The following PPP1R21 variants were observed in gnomAD, a reference collection of about 807,000 sequenced individuals.
The protein encoded by PPP1R21 is protein phosphatase 1 regulatory subunit 21, also known as KLRAQ motif containing 1.
PPP1R21 carries 85 observed loss-of-function variants against 112.8 expected under a neutral mutation model. The observed-to-expected ratio is 0.75, with a 90% CI of 0.63 to 0.90. The LOEUF (loss-of-function observed/expected upper bound fraction) is 0.90, where lower values mean the gene tolerates loss of function less well. PPP1R21 is among the 40% of genes least tolerant of loss of function. The pLI is 0.00. For synonymous variants in PPP1R21, 381 were observed against 322.3 expected (o/e 1.18, Z -1.95); for missense variants, 1,199 against 901.5 (o/e 1.33, Z -4.23).
At chr2:48,457,248 G>A (rs923707293) in intron 3 of PPP1R21, among the ~76,000 whole-genome samples, 6 of 152,110 alleles carry the variant, frequency 3.9e-5, no homozygotes, top group Non-Finnish European at 7.4e-5. Flanking sequence ...TGAATACATC[G>A]TTCTGCAGTG....
intron 16 of PPP1R21, among the ~76,000 whole-genome samples, chr2:48,497,783 C>G (rs1271532249): frequency 1.3e-5 from 2 of 151,794 alleles, no homozygotes; most frequent in African/African-American, 4.8e-5. Context: ...TCCCGAGTAG[C>G]TGGGACTACA....
intron 12 of PPP1R21, among the ~76,000 whole-genome samples, chr2:48,476,556 C>T (rs1402249823): frequency 2.0e-5 from 3 of 152,194 alleles, no homozygotes; most frequent in Non-Finnish European, 4.4e-5. Context: ...TACCATTTTA[C>T]ATTCCTACTA....
At chr2:48,444,512 C>G (rs936281577) in intron 1 of PPP1R21, among the ~76,000 whole-genome samples, 2 of 152,218 alleles carry the variant, frequency 1.3e-5, no homozygotes, top group Non-Finnish European at 2.9e-5. Context: ...AGTTCTGGCT[C>G]ATTTGATTTT....
At chr2:48,506,693 C>T (rs1572898595) in intron 18 of PPP1R21, among the ~76,000 whole-genome samples, 1 of 152,192 alleles carries the variant, frequency 6.6e-6, no homozygotes, top group East Asian at 1.9e-4. Flanking sequence ...CGCCTGTAAT[C>T]CCAGCACTTT....
chr2:48,456,463 C>A (rs531511844), intron 3 of PPP1R21, among the ~76,000 whole-genome samples: 1 of 152,232 alleles, frequency 6.6e-6, no homozygotes, highest in South Asian at 2.1e-4. Flanking sequence ...CTTTGGTTGC[C>A]TTTAATAAAT....
chr2:48,505,423 A>T (rs1489607122), intron 17 of PPP1R21, 141 bp from the exon 18 acceptor site: 1 of 647,136 alleles, frequency 1.5e-6, no homozygotes, highest in African/African-American at 1.8e-5. Flanking sequence ...CCTTGTAGTA[A>T]AAGACAGTCC....
In PPP1R21 at chr2:48,486,719, C is replaced by T; in HGVS notation, c.1407C>T (p.Ile469=). ...AGCTGATAACAACTAATGACTGTAT[C>T]CTGTCATCAGTAGTGGCATTAACAA... ...TQKLITTNDC[I]LSSVVALTNG... is the part of the protein sequence containing the mutation. Residue 469 remains isoleucine, a synonymous_variant, in exon 14 of 22, where the codon ATC becomes ATT. Coordinates refer to ENST00000294952, the MANE Select transcript of PPP1R21 (RefSeq NM_001135629.3). 1.9e-6 allele frequency: 3 copies of T among 1,613,496 alleles called. No individual in the cohort carries two copies. Among genetic ancestry groups the T allele is most frequent in the Admixed American group, 3.3e-5 (2 of 60,018 alleles).
chr2:48,474,566 T>C, intron 11 of PPP1R21, 117 bp from the exon 12 acceptor site: 1 of 901,904 alleles, frequency 1.1e-6, no homozygotes, highest in Non-Finnish European at 1.7e-6. Context: ...TGAGATCAAA[T>C]TCTTTTTTCT....
At chr2:48,505,946 A>G (rs1004994706) in intron 18 of PPP1R21, among the ~76,000 whole-genome samples, 15 of 151,934 alleles carry the variant, frequency 9.9e-5, no homozygotes, top group Non-Finnish European at 2.1e-4. Context: ...CCAGGAAAGC[A>G]GGGCTTAGCA....
In PPP1R21 at chr2:48,507,380, G is replaced by T; in HGVS notation, c.2080G>T (p.Ala694Ser). ...LADSKSVHFY[A>S]ECRALSKRLA... ...TGACAGTAAGTCAGTGCATTTTTAT[G>T]CCGAGGTGAGTGTAGATTTAATTAG... The change falls in exon 19 of 22, where the codon GCC becomes TCC. Residue 694 changes from alanine to serine, a missense_variant. Coordinates refer to ENST00000294952, the MANE Select transcript of PPP1R21 (RefSeq NM_001135629.3). 1 of 1,601,070 alleles carries T rather than the reference G, an allele frequency of 6.2e-7. No homozygotes were observed. Among genetic ancestry groups the T allele is most frequent in the Non-Finnish European group, 8.5e-7 (1 of 1,176,018 alleles).
In PPP1R21 at chr2:48,471,410, G is replaced by A. The variant is rs562867111; in HGVS notation, c.1088+43G>A. The A allele has an allele frequency of 1.1e-4, 178 of 1,552,484 alleles. 1 individual carries two copies. Among genetic ancestry groups the A allele is most frequent in the Admixed American group, 9.7e-4 (48 of 49,580 alleles). On this transcript the variant is annotated intron_variant, in intron 11 of 21. Transcript: ENST00000294952. ...CCAGGGAACTTGGGGAATTGTGGGTGTAACCTGATCTGGCTGGCGTTAATA... is the reference window on the plus strand; with the variant it reads ...CCAGGGAACTTGGGGAATTGTGGGTATAACCTGATCTGGCTGGCGTTAATA...
intron 13 of PPP1R21, among the ~76,000 whole-genome samples, chr2:48,483,659 T>C (rs1669136664): frequency 6.6e-6 from 1 of 152,204 alleles, no homozygotes; most frequent in African/African-American, 2.4e-5. Flanking sequence ...TTCCTTGTAA[T>C]GCACAATGAG....
At chr2:48,458,572 CCCCT>C (rs1056060973) in intron 4 of PPP1R21, among the ~76,000 whole-genome samples, 1 of 148,712 alleles carries the variant, frequency 6.7e-6, no homozygotes, top group African/African-American at 2.5e-5. Context: ...TTTTTCCCTC[CCCCT>C]CCCTTTTTTT....
At chr2:48,473,837 A>G (rs1668627554) in intron 11 of PPP1R21, among the ~76,000 whole-genome samples, 1 of 152,176 alleles carries the variant, frequency 6.6e-6, no homozygotes, top group Non-Finnish European at 1.5e-5. Flanking sequence ...AAGTTTTCCC[A>G]AGTAACTATT....
At chr2:48,477,359 G>C (rs939987376) in intron 12 of PPP1R21, among the ~76,000 whole-genome samples, 9 of 152,018 alleles carry the variant, frequency 5.9e-5, no homozygotes, top group Admixed American at 4.6e-4. Context: ...AGCCTCAGGT[G>C]ATCTGCCCAT....
At chr2:48,499,984 T>C (rs1190792474) in intron 17 of PPP1R21, among the ~76,000 whole-genome samples, 1 of 152,190 alleles carries the variant, frequency 6.6e-6, no homozygotes, top group Non-Finnish European at 1.5e-5. Flanking sequence ...TTGAAAGCCA[T>C]GGTGCTTCTT....
intron 15 of PPP1R21, 29 bp downstream of exon 15, chr2:48,491,199 CAG>C: frequency 6.3e-7 from 1 of 1,599,900 alleles, no homozygotes; most frequent in Non-Finnish European, 8.5e-7. Flanking sequence ...ATATTTAAAT[CAG>C]AGGAAACATC....
intron 20 of PPP1R21, 118 bp downstream of exon 20, chr2:48,510,231 A>G: frequency 1.7e-6 from 1 of 600,550 alleles, no homozygotes. Flanking sequence ...TAAGATAACC[A>G]CTGTATTTCT....
chr2:48,460,003 C>G, intron 5 of PPP1R21, 85 bp downstream of exon 5: 1 of 1,591,482 alleles, frequency 6.3e-7, no homozygotes. Context: ...TTAGTCATTT[C>G]TGGTGAGACT....
Sources: allele counts gnomAD v4.1 joint callset (sites outside exome capture counted in the v4.1 genomes callset), GRCh38; gene constraint gnomAD v4.1.1; transcripts MANE v1.5; gene names NCBI Gene and HGNC (gene_info 2026-07-23, HGNC 2026-07-21).